FER: variants seen among roughly 807,000 people sequenced by gnomAD.
FER encodes tyrosine-protein kinase Fer.
In FER, 63 loss-of-function variants were observed where a neutral mutation model predicts 111.0. The ratio of observed to expected loss-of-function variants is 0.57; its 90% CI spans 0.46 to 0.70. FER has a LOEUF of 0.70. FER is among the 30% of genes least tolerant of loss of function. The pLI, the probability that FER is intolerant of heterozygous loss-of-function variation, is 0.00. For synonymous variants in FER, 327 were observed against 313.9 expected (o/e 1.04, Z -0.44); for missense variants, 914 against 954.0 (o/e 0.96, Z 0.55).
At chr5:108,956,265 A>G (rs1758416074) in intron 12 of FER, among the ~76,000 whole-genome samples, 1 of 151,700 alleles carries the variant, frequency 6.6e-6, no homozygotes, top group South Asian at 2.1e-4. Flanking sequence ...CATATTGCCA[A>G]TATTTATTAC....
intron 6 of FER, 88 bp from the exon 7 acceptor site, chr5:108,871,277 C>T (rs1196694335): frequency 6.5e-6 from 7 of 1,080,812 alleles, no homozygotes; most frequent in African/African-American, 6.3e-5. Context: ...CATTACATTT[C>T]TTATGCTTAT....
intron 16 of FER, among the ~76,000 whole-genome samples, chr5:109,099,855 G>A (rs1748007555): frequency 6.6e-6 from 1 of 151,490 alleles, no homozygotes; most frequent in Non-Finnish European, 1.5e-5. Flanking sequence ...GAGTAAATCA[G>A]GCCAAAATCA....
chr5:108,789,131 T>A (rs529077648), intron 2 of FER, among the ~76,000 whole-genome samples: 1 of 152,248 alleles, frequency 6.6e-6, no homozygotes, highest in Non-Finnish European at 1.5e-5. Context: ...CTTGATGAAT[T>A]TTCACAAACT....
intron 13 of FER, among the ~76,000 whole-genome samples, chr5:109,003,882 A>C (rs1187160876): frequency 6.6e-6 from 1 of 152,100 alleles, no homozygotes; most frequent in African/African-American, 2.4e-5. Flanking sequence ...TGGGATGCCA[A>C]GGTGGGAGGA....
chr5:108,860,334 C>T (rs1763399761), intron 5 of FER, among the ~76,000 whole-genome samples: 1 of 152,090 alleles, frequency 6.6e-6, no homozygotes. Context: ...TTAGCCTTTG[C>T]TATTAACTGC....
chr5:109,180,926 T>C, intron 18 of FER, 25 bp downstream of exon 18: 1 of 1,553,970 alleles, frequency 6.4e-7, no homozygotes, highest in Non-Finnish European at 8.7e-7. Context: ...CATTTTTTTT[T>C]TAATGGTAAA....
At chr5:108,963,420 G>C (rs1561685309) in intron 13 of FER, among the ~76,000 whole-genome samples, 1 of 152,052 alleles carries the variant, frequency 6.6e-6, no homozygotes, top group South Asian at 2.1e-4. Flanking sequence ...AAATTAGCCA[G>C]GTGTGGTGGC....
intron 17 of FER, among the ~76,000 whole-genome samples, chr5:109,144,738 G>A (rs1011697905): frequency 7.2e-5 from 11 of 152,020 alleles, no homozygotes; most frequent in Admixed American, 1.3e-4. Context: ...AATGTTGTTT[G>A]GATGGACCTA....
At position 109,183,248 on chromosome 5, in the gene FER, G is replaced by GTTTTTTTTTTT. The variant is rs10682212; in HGVS notation, c.2203+2355_2203+2365dup. Among the ~76,000 whole-genome samples the GTTTTTTTTTTT allele has an allele frequency of 1.7e-4, 20 of 115,666 alleles. 2 individuals carry two copies. The highest frequency in any genetic ancestry group is 5.4e-4 in the African/African-American group (16 of 29,804). The allele number at this position is 115,666 out of a possible 152,430, so 75.9% of individuals were successfully genotyped here. A position where few individuals can be genotyped will look rare whatever the true frequency, so the allele number is the denominator to read the frequency against. ...GAAGATTGACTCTAAATCCTAGCGT[G>GTTTTTTTTTTT]TTTTTTTTTTTTTTTTTTGAGATGG... On this transcript the variant is annotated intron_variant, in intron 18 of 19. Transcript: ENST00000281092.
At chr5:108,938,566 T>G (rs1755832620) in intron 10 of FER, among the ~76,000 whole-genome samples, 1 of 151,960 alleles carries the variant, frequency 6.6e-6, no homozygotes, top group Non-Finnish European at 1.5e-5. Flanking sequence ...AGGGAGCACC[T>G]AAGAGACAGG....
At chr5:108,919,935 T>A (rs1223391890) in intron 10 of FER, among the ~76,000 whole-genome samples, 1 of 152,134 alleles carries the variant, frequency 6.6e-6, no homozygotes, top group Non-Finnish European at 1.5e-5. Flanking sequence ...CATAGAATTG[T>A]CTTAAAAGTT....
At chr5:108,864,462 T>C (rs1763833570) in intron 5 of FER, among the ~76,000 whole-genome samples, 1 of 152,140 alleles carries the variant, frequency 6.6e-6, no homozygotes, top group South Asian at 2.1e-4. Flanking sequence ...ACTGAGATTC[T>C]TAAATGAGGA....
intron 16 of FER, among the ~76,000 whole-genome samples, chr5:109,075,339 T>C (rs896602825): frequency 2.6e-5 from 4 of 152,132 alleles, no homozygotes; most frequent in Non-Finnish European, 4.4e-5. Flanking sequence ...TGTAAATCAA[T>C]AGCAAATATA....
intron 10 of FER, 126 bp downstream of exon 10, chr5:108,897,974 C>A: frequency 1.1e-6 from 1 of 879,992 alleles, no homozygotes; most frequent in Non-Finnish European, 1.6e-6. Flanking sequence ...TCCTATTAAA[C>A]TTGTTTGTAA....
At chr5:109,173,878 C>G (rs1231671316) in intron 17 of FER, among the ~76,000 whole-genome samples, 1 of 151,792 alleles carries the variant, frequency 6.6e-6, no homozygotes, top group Non-Finnish European at 1.5e-5. Context: ...CAGTCATTTG[C>G]TCTCACAATA....
At chr5:109,031,905 G>A (rs1561801225) in intron 13 of FER, among the ~76,000 whole-genome samples, 1 of 152,104 alleles carries the variant, frequency 6.6e-6, no homozygotes, top group Non-Finnish European at 1.5e-5. Context: ...TGTAATCTAA[G>A]TTTATCTTTA....
chr5:108,862,297 G>A (rs1763601162), intron 5 of FER, among the ~76,000 whole-genome samples: 1 of 152,092 alleles, frequency 6.6e-6, no homozygotes, highest in Non-Finnish European at 1.5e-5. Flanking sequence ...AGGTATCTGG[G>A]AAATTCTTAA....
chr5:109,004,383 T>C lies in FER; in HGVS notation c.1657-33039T>C, dbSNP rs578113949. ...ATATCCTTTTTCAAATACTGCTATT[T>C]CTAGGAATGTATTATAAATAAATAT... On this transcript the variant is annotated intron_variant, in intron 13 of 19. Transcript: ENST00000281092. Among the ~76,000 whole-genome samples the C allele has an allele frequency of 4.6e-5, 7 of 152,292 alleles. No homozygotes were observed. In the East Asian group the frequency reaches 5.8e-4, roughly 13 times the overall value.
chr5:109,158,136 TG>T (rs1354945910), intron 17 of FER, among the ~76,000 whole-genome samples: 6 of 152,138 alleles, frequency 3.9e-5, no homozygotes, highest in Middle Eastern at 3.4e-3. Context: ...CTCAGCACTT[TG>T]GGAGCCTGAG....
Sources: allele counts gnomAD v4.1 joint callset (sites outside exome capture counted in the v4.1 genomes callset), GRCh38; gene constraint gnomAD v4.1.1; transcripts MANE v1.5; gene names NCBI Gene and HGNC (gene_info 2026-07-23, HGNC 2026-07-21).